VPS53: variants seen among roughly 807,000 people sequenced by gnomAD.
VPS53 encodes VPS53 subunit of GARP complex.
A neutral mutation model predicts 107.0 loss-of-function variants in VPS53; 70 were observed. That is an observed-to-expected ratio of 0.65 (90% CI 0.54 to 0.80). The LOEUF is 0.80. VPS53 is among the 30% of genes least tolerant of loss of function. The pLI, the probability that VPS53 is intolerant of heterozygous loss-of-function variation, is 0.00. For missense variants in VPS53, 917 were observed against 1,049.4 expected (o/e 0.87, Z 1.74); for synonymous variants, 409 against 393.3 (o/e 1.04, Z -0.47).
At chr17:708,196 A>G (rs373188949) in intron 2 of VPS53, among the ~76,000 whole-genome samples, 68 of 152,294 alleles carry the variant, frequency 4.5e-4, no homozygotes, top group African/African-American at 1.6e-3. Context: ...ACAGAGTCCA[A>G]TAGTGGCCCC....
intron 1 of VPS53, among the ~76,000 whole-genome samples, chr17:713,135 G>A (rs534220420): frequency 3.3e-5 from 5 of 151,862 alleles, no homozygotes; most frequent in Admixed American, 6.6e-5. Flanking sequence ...CCAGGAGTTC[G>A]AGGCTGCAGT....
At chr17:666,430 A>G (rs1054387572) in intron 4 of VPS53, among the ~76,000 whole-genome samples, 4 of 152,196 alleles carry the variant, frequency 2.6e-5, no homozygotes, top group Non-Finnish European at 4.4e-5. Context: ...TTGGGAGGCC[A>G]GGGCGGGTGG....
intron 11 of VPS53, among the ~76,000 whole-genome samples, chr17:619,010 T>C (rs1321080463): frequency 2.1e-5 from 3 of 142,196 alleles, no homozygotes; most frequent in African/African-American, 8.1e-5. Flanking sequence ...ATTTCCCGGG[T>C]AGCTGGGACT....
chr17:582,467 C>A lies in VPS53; in HGVS notation c.1313+3803G>T, dbSNP rs9910860. ...CATCTAATGCATTCCCAAAGAACCTCCCTCAGAACCTAGTGCATTCCCAGA... is the reference window on the plus strand; with the variant it reads ...CATCTAATGCATTCCCAAAGAACCTACCTCAGAACCTAGTGCATTCCCAGA... On this transcript the variant is annotated intron_variant, in intron 13 of 21. Coordinates refer to ENST00000437048, the MANE Select transcript of VPS53 (RefSeq NM_001128159.3). Among the ~76,000 whole-genome samples, 60 of 149,116 alleles carry A rather than the reference C, an allele frequency of 4.0e-4. 1 individual carries two copies. Among genetic ancestry groups the A allele is most frequent in the African/African-American group, 1.4e-3 (59 of 41,240 alleles).
intron 12 of VPS53, among the ~76,000 whole-genome samples, chr17:592,315 G>A (rs926435413): frequency 9.9e-5 from 15 of 152,152 alleles, no homozygotes; most frequent in African/African-American, 3.6e-4. Context: ...CCTGAATACA[G>A]CACACTGATG....
intron 16 of VPS53, 38 bp downstream of exon 16, chr17:553,342 A>T (rs375699359): frequency 1.1e-5 from 17 of 1,601,862 alleles, no homozygotes; most frequent in Non-Finnish European, 1.5e-5. Flanking sequence ...GTAGTGGAGA[A>T]AGGGCAGGCA....
At chr17:650,891 A>G (rs1445807152) in intron 7 of VPS53, among the ~76,000 whole-genome samples, 2 of 152,240 alleles carry the variant, frequency 1.3e-5, no homozygotes, top group East Asian at 3.8e-4. Context: ...AGGTTTATAC[A>G]TACTGATGAG....
chr17:575,066 G>A (rs1191922936), intron 13 of VPS53, among the ~76,000 whole-genome samples: 1 of 152,228 alleles, frequency 6.6e-6, no homozygotes, highest in Non-Finnish European at 1.5e-5. Context: ...GCAAGAGCAA[G>A]GGCACTACTG....
chr17:625,644 C>T (rs373997712), intron 10 of VPS53, among the ~76,000 whole-genome samples: 18 of 152,264 alleles, frequency 1.2e-4, no homozygotes, highest in African/African-American at 3.4e-4. Context: ...AGACTATGCA[C>T]GTGGGGCCGG....
At chr17:610,034 G>C (rs1968781753) in intron 11 of VPS53, among the ~76,000 whole-genome samples, 2 of 151,960 alleles carry the variant, frequency 1.3e-5, no homozygotes, top group South Asian at 4.1e-4. Flanking sequence ...CGGAGGCTGA[G>C]GCAGGAGAAT....
intron 15 of VPS53, among the ~76,000 whole-genome samples, chr17:554,613 G>A (rs978750158): frequency 1.3e-5 from 2 of 152,170 alleles, no homozygotes; most frequent in Non-Finnish European, 2.9e-5. Context: ...ATATCAGCCA[G>A]GATGGTCTTG....
At chr17:670,224 GC>G (rs1971879631) in intron 4 of VPS53, among the ~76,000 whole-genome samples, 3 of 151,690 alleles carry the variant, frequency 2.0e-5, no homozygotes, top group African/African-American at 7.3e-5. Flanking sequence ...GGTGAACTGG[GC>G]ACTGGTGAAC....
chr17:538,418 A>G (rs951538648), intron 17 of VPS53: 3 of 152,270 alleles, frequency 2.0e-5, no homozygotes, highest in Middle Eastern at 3.2e-3. Context: ...ACCATATAAT[A>G]TGTTCATAGA....
At chr17:712,832 AC>A (rs1311493646) in intron 1 of VPS53, among the ~76,000 whole-genome samples, 3 of 152,202 alleles carry the variant, frequency 2.0e-5, no homozygotes, top group Non-Finnish European at 4.4e-5. Flanking sequence ...CTTTTCTGAT[AC>A]CTGTCAACCA....
intron 4 of VPS53, among the ~76,000 whole-genome samples, chr17:664,483 T>G (rs148523089): frequency 6.6e-6 from 1 of 152,126 alleles, no homozygotes; most frequent in Non-Finnish European, 1.5e-5. Flanking sequence ...TAGGTGGTAG[T>G]GCAATATTGC....
intron 11 of VPS53, among the ~76,000 whole-genome samples, chr17:612,741 T>C (rs1455532825): frequency 1.6e-5 from 2 of 127,138 alleles, no homozygotes; most frequent in African/African-American, 6.2e-5. Flanking sequence ...CGAAAACCTG[T>C]ACAGATATTC....
chr17:530,018 C>T (rs1464935926), intron 19 of VPS53, among the ~76,000 whole-genome samples: 1 of 147,452 alleles, frequency 6.8e-6, no homozygotes, highest in Non-Finnish European at 1.5e-5. Flanking sequence ...CCAGCCTGGG[C>T]AATACAGCAA....
At chr17:607,909 G>A (rs1238436922) in intron 11 of VPS53, among the ~76,000 whole-genome samples, 3 of 152,062 alleles carry the variant, frequency 2.0e-5, no homozygotes, top group African/African-American at 4.8e-5. Flanking sequence ...CAGTACATCC[G>A]TATCTCGTCT....
chr17:602,163 C>G (rs894180063), intron 11 of VPS53, among the ~76,000 whole-genome samples: 12 of 152,228 alleles, frequency 7.9e-5, no homozygotes, highest in Admixed American at 7.9e-4. Flanking sequence ...CTCCGTTCTG[C>G]TGGGAAGCCT....
Sources: gnomAD v4.1 joint callset for allele counts (sites outside exome capture counted in the v4.1 genomes callset) on GRCh38, gnomAD v4.1.1 for gene constraint, MANE v1.5 for transcripts, NCBI Gene and HGNC (gene_info 2026-07-23, HGNC 2026-07-21) for gene names.